Variants in IL4R observed in about 807,000 individuals in gnomAD.
IL4R encodes interleukin 4 receptor, also known as interleukin-4 receptor subunit alpha.
Under a neutral mutation model 41.5 loss-of-function variants are expected in IL4R, and 17 were observed. The ratio of observed to expected loss-of-function variants is 0.41; its 90% confidence interval spans 0.28 to 0.61. IL4R has a LOEUF of 0.61. Among genes scored for constraint, IL4R ranks in the 20% least tolerant of loss-of-function variants. The pLI is 0.31. For synonymous variants in IL4R, 402 were observed against 422.9 expected (o/e 0.95, Z 0.61); for missense variants, 974 against 1,043.1 (o/e 0.93, Z 0.91).
chr16:27,324,597 G>T (rs905014723), intron 1 of IL4R, among the ~76,000 whole-genome samples: 1 of 152,210 alleles, frequency 6.6e-6, no homozygotes, highest in African/African-American at 2.4e-5. Context: ...AAAGATTGCA[G>T]AGAAATAAAG....
intron 1 of IL4R, among the ~76,000 whole-genome samples, chr16:27,324,474 T>C (rs1269460512): frequency 6.6e-6 from 1 of 152,218 alleles, no homozygotes; most frequent in Non-Finnish European, 1.5e-5. Context: ...GGCACCGTGC[T>C]AGGCTCTGGG....
At chr16:27,361,513 G>A (rs1396656374) in intron 10 of IL4R, among the ~76,000 whole-genome samples, 1 of 151,896 alleles carries the variant, frequency 6.6e-6, no homozygotes, top group East Asian at 1.9e-4. Context: ...CCGCCACTGT[G>A]GCCTCCTTAG....
At chr16:27,337,444 A>G (rs1596799492) in intron 2 of IL4R, among the ~76,000 whole-genome samples, 1 of 152,206 alleles carries the variant, frequency 6.6e-6, no homozygotes, top group East Asian at 1.9e-4. Context: ...ACTCACTAGC[A>G]GAACAAAGCC....
chr16:27,324,722 C>G (rs559212442), intron 1 of IL4R, among the ~76,000 whole-genome samples: 1 of 152,350 alleles, frequency 6.6e-6, no homozygotes, highest in South Asian at 2.1e-4. Flanking sequence ...CTGGAATCTT[C>G]TGAAGACAGG....
intron 8 of IL4R, among the ~76,000 whole-genome samples, chr16:27,358,093 C>T (rs2086153810): frequency 6.6e-6 from 1 of 152,008 alleles, no homozygotes; most frequent in African/African-American, 2.4e-5. Flanking sequence ...GGTGTTTCAC[C>T]ATATTGGCCA....
chr16:27,358,756 G>T (rs186579752), intron 8 of IL4R, among the ~76,000 whole-genome samples, 160 bp from the exon 9 acceptor site: 12 of 152,314 alleles, frequency 7.9e-5, no homozygotes, highest in Non-Finnish European at 4.4e-5. Flanking sequence ...TAGAATCCAT[G>T]TCACCAGGTT....
chr16:27,323,606 A>G (rs865830111), intron 1 of IL4R, among the ~76,000 whole-genome samples: 5 of 151,714 alleles, frequency 3.3e-5, no homozygotes, highest in Admixed American at 6.6e-5. Context: ...TGTATCTGCA[A>G]TGCTCCTTGG....
intron 1 of IL4R, among the ~76,000 whole-genome samples, chr16:27,326,996 G>A (rs1204899662): frequency 6.6e-6 from 1 of 152,152 alleles, no homozygotes; most frequent in Non-Finnish European, 1.5e-5. Flanking sequence ...CTTCCTGCCA[G>A]CCCAGCCCAG....
At chr16:27,319,690 A>T (rs2084754537) in intron 1 of IL4R, among the ~76,000 whole-genome samples, 1 of 152,162 alleles carries the variant, frequency 6.6e-6, no homozygotes, top group South Asian at 2.1e-4. Flanking sequence ...GCAGGGCCAC[A>T]CAGCAGGAGG....
chr16:27,339,885 C>T (rs951809910), intron 2 of IL4R, among the ~76,000 whole-genome samples: 3 of 152,038 alleles, frequency 2.0e-5, no homozygotes, highest in East Asian at 1.9e-4. Flanking sequence ...GGTGAAACCC[C>T]GTCTCTACTA....
intron 10 of IL4R, among the ~76,000 whole-genome samples, chr16:27,361,469 A>T (rs1204551376): frequency 6.6e-6 from 1 of 151,938 alleles, no homozygotes. Flanking sequence ...TACCAAAAAA[A>T]GTTTTTGTAA....
chr16:27,338,037 A>C (rs903049137), intron 2 of IL4R, among the ~76,000 whole-genome samples: 1 of 147,466 alleles, frequency 6.8e-6, no homozygotes, highest in African/African-American at 2.5e-5. Context: ...GCTCGCTGCA[A>C]CCTCCGCCTC....
chr16:27,342,904 C>G (rs1394745780), intron 4 of IL4R, among the ~76,000 whole-genome samples: 1 of 152,170 alleles, frequency 6.6e-6, no homozygotes, highest in East Asian at 1.9e-4. Context: ...CCACTGTACG[C>G]CAGTGAGAGA....
At position 27,360,835 on chromosome 16, in the gene IL4R, T is replaced by C. The variant is rs1467704551; in HGVS notation, c.899+20T>C. Reference sequence around the variant, plus strand: ...GTGCCCGTATGTATCTGAACTTAGGTCACAGCCTGCATGCATTGGGAAGGT... The same window carrying C: ...GTGCCCGTATGTATCTGAACTTAGGCCACAGCCTGCATGCATTGGGAAGGT... On this transcript the variant is annotated intron_variant, in intron 10 of 10. Transcript: ENST00000395762. 6.2e-7 allele frequency: 1 copy of C among 1,613,892 alleles called. No homozygotes were observed. Among genetic ancestry groups the C allele is most frequent in the South Asian group, 1.1e-5 (1 of 91,066 alleles).
chr16:27,363,381 C>T lies in IL4R; in HGVS notation c.2029C>T (p.His677Tyr). The change falls in exon 11 of 11, where the codon CAC becomes TAC. Residue 677 changes from histidine (H) to tyrosine (Y), a missense_variant. This residue lies in a region of IL4R where 682 missense variants were observed against 704.3 expected (regional missense o/e 0.97). Transcript: ENST00000395762. ...ACATCTCCCAAGCAGCTCCCCAGAG[C>T]ACCTGGGTCTGGAGCCGGGGGAAAA... ...SSHLPSSSPE[H>Y]LGLEPGEKVE... The T allele has an allele frequency of 6.2e-7, 1 of 1,614,168 alleles. No homozygotes were observed.
intron 8 of IL4R, among the ~76,000 whole-genome samples, chr16:27,356,412 CG>C (rs57075095): frequency 0.023 from 3,563 of 152,190 alleles, 139 homozygotes; most frequent in African/African-American, 0.077. Flanking sequence ...TTTCTAAAAC[CG>C]GCATCCTACT....
intron 6 of IL4R, among the ~76,000 whole-genome samples, chr16:27,347,957 A>G (rs1388189061): frequency 6.6e-6 from 1 of 151,992 alleles, no homozygotes; most frequent in Non-Finnish European, 1.5e-5. Context: ...CCCAGGCCAC[A>G]GAGATCCCCA....
At chr16:27,354,645 T>A (rs921742903) in intron 7 of IL4R, among the ~76,000 whole-genome samples, 1 of 152,192 alleles carries the variant, frequency 6.6e-6, no homozygotes, top group African/African-American at 2.4e-5. Flanking sequence ...AGGAAAAAGC[T>A]GTTGAGTGAA....
chr16:27,319,800 G>T (rs1440278862), intron 1 of IL4R, among the ~76,000 whole-genome samples: 1 of 152,108 alleles, frequency 6.6e-6, no homozygotes, highest in African/African-American at 2.4e-5. Context: ...GTCAGCTGAG[G>T]CATTAGATGA....
Sources: allele counts gnomAD v4.1 joint callset (sites outside exome capture counted in the v4.1 genomes callset), GRCh38; gene constraint gnomAD v4.1.1; regional missense constraint gnomAD v4.1.1; transcripts MANE v1.5; gene names NCBI Gene and HGNC (gene_info 2026-07-23, HGNC 2026-07-21).